PHF20L1: variants seen among roughly 807,000 people sequenced by gnomAD.
PHF20L1 encodes the protein PHD finger protein 20 like 1.
A neutral mutation model predicts 125.5 loss-of-function variants in PHF20L1; 44 were observed. The ratio of observed to expected loss-of-function variants is 0.35; its 90% CI spans 0.28 to 0.45. The LOEUF (loss-of-function observed/expected upper bound fraction) is 0.45, where lower values mean the gene tolerates loss of function less well. Among genes scored for constraint, PHF20L1 ranks in the 20% least tolerant of loss-of-function variants. PHF20L1 has a pLI of 1.00. For missense variants in PHF20L1, 1,012 were observed against 1,217.2 expected (o/e 0.83, Z 2.51); for synonymous variants, 380 against 403.1 (o/e 0.94, Z 0.69).
chr8:132,782,856 C>T (rs1288999290), intron 2 of PHF20L1, among the ~76,000 whole-genome samples: 1 of 151,506 alleles, frequency 6.6e-6, no homozygotes, highest in East Asian at 1.9e-4. Context: ...GTTTTTCCAT[C>T]TGTCTTGTTC....
At chr8:132,792,616 T>A (rs1586883279) in intron 2 of PHF20L1, among the ~76,000 whole-genome samples, 1 of 152,206 alleles carries the variant, frequency 6.6e-6, no homozygotes, top group Admixed American at 6.5e-5. Flanking sequence ...ATTCCCGCCT[T>A]TCTTTAAAGC....
chr8:132,805,991 G>GT (rs1342878550), intron 8 of PHF20L1, among the ~76,000 whole-genome samples: 1 of 151,940 alleles, frequency 6.6e-6, no homozygotes, highest in East Asian at 1.9e-4. Flanking sequence ...TGAGACTTCA[G>GT]TTTTGCCTTA....
At chr8:132,833,768 A>G (rs1252637861) in intron 15 of PHF20L1, among the ~76,000 whole-genome samples, 2 of 152,084 alleles carry the variant, frequency 1.3e-5, no homozygotes, top group Non-Finnish European at 2.9e-5. Context: ...ATAGATGTGT[A>G]CTCTCTGTTC....
At position 132,837,761 on chromosome 8, in the gene PHF20L1, A is replaced by C; in HGVS notation, c.2141A>C (p.Glu714Ala). The C allele has an allele frequency of 6.2e-7, 1 of 1,613,138 alleles. No individual in the cohort carries two copies. Among genetic ancestry groups the C allele is most frequent in the Non-Finnish European group, 8.5e-7 (1 of 1,179,442 alleles). ...CACAGCGTGTGCATGGGGCTGCTGG[A>C]GGAGAGCATTCCAGAGCAGTACATC... ...WQHSVCMGLL[E>A]ESIPEQYICY... The change falls in exon 17 of 21, where the codon GAG (glutamate) becomes GCG (alanine). Residue 714 changes from glutamate to alanine, a missense_variant. Glu to Ala is a moderately radical substitution (Grantham distance 107). This residue lies in a region of PHF20L1 where 55 missense variants were observed against 114.8 expected (regional missense o/e 0.48). Transcript: ENST00000395386.
intron 4 of PHF20L1, among the ~76,000 whole-genome samples, chr8:132,798,553 T>C (rs1265062571): frequency 6.6e-6 from 1 of 152,030 alleles, no homozygotes; most frequent in Admixed American, 6.6e-5. Context: ...GGAACTAACT[T>C]ATCAAGACTT....
At chr8:132,788,220 AACTT>A (rs1490931473) in intron 2 of PHF20L1, among the ~76,000 whole-genome samples, 3 of 152,110 alleles carry the variant, frequency 2.0e-5, no homozygotes, top group African/African-American at 7.2e-5. Context: ...GAATTGTGTT[AACTT>A]ACTTGATTCT....
chr8:132,785,106 T>C (rs1214610101), intron 2 of PHF20L1, among the ~76,000 whole-genome samples: 2 of 152,160 alleles, frequency 1.3e-5, no homozygotes, highest in Non-Finnish European at 2.9e-5. Context: ...TGGCAAGGGT[T>C]GGAACAAGAG....
chr8:132,825,240 A>G (rs1836042745), intron 13 of PHF20L1, 24 bp from the exon 14 acceptor site: 1 of 1,592,824 alleles, frequency 6.3e-7, no homozygotes, highest in Non-Finnish European at 8.6e-7. Context: ...CGTGATTGCT[A>G]AAGTATTCAC....
In PHF20L1 at chr8:132,814,639, G is replaced by A. The variant is rs79154195; in HGVS notation, c.933G>A (p.Ala311=). 8 of 1,568,404 alleles carry A rather than the reference G, an allele frequency of 5.1e-6. No individual in the cohort carries two copies. Among genetic ancestry groups the A allele is most frequent in the Non-Finnish European group, 6.9e-6 (8 of 1,157,270 alleles). Residue 311 remains alanine, a splice_region_variant and synonymous_variant, in exon 10 of 21, where the codon GCG becomes GCA. Coordinates refer to ENST00000395386, the MANE Select transcript of PHF20L1 (RefSeq NM_016018.5). ...TCAATTTTTTATTATTTATTCAGGC[G>A]ATTTCACCTAAACCTCAAAGTCAGA... The part of the protein sequence containing the change: ...YNETAPMLEQ[A]ISPKPQSQKK...
At chr8:132,825,224 A>G in intron 13 of PHF20L1, 40 bp from the exon 14 acceptor site, 1 of 1,591,642 alleles carries the variant, frequency 6.3e-7, no homozygotes, top group Non-Finnish European at 8.6e-7. Flanking sequence ...ACAACTCAGG[A>G]TCAGTCGTGA....
intron 15 of PHF20L1, among the ~76,000 whole-genome samples, chr8:132,833,280 G>C (rs1036149403): frequency 6.6e-6 from 1 of 151,996 alleles, no homozygotes; most frequent in Non-Finnish European, 1.5e-5. Flanking sequence ...CTTTTGCACC[G>C]TTTGCTTCCA....
chr8:132,838,525 T>C (rs1563852344), intron 17 of PHF20L1: 1 of 152,190 alleles, frequency 6.6e-6, no homozygotes, highest in African/African-American at 2.4e-5. Context: ...TCAGATAGCA[T>C]ATTCTGCATA....
intron 14 of PHF20L1, among the ~76,000 whole-genome samples, chr8:132,827,111 C>T (rs968554636): frequency 2.0e-5 from 3 of 151,900 alleles, no homozygotes; most frequent in African/African-American, 7.3e-5. Context: ...TGAACATTTC[C>T]GGGCACTTCT....
At chr8:132,823,913 T>TATA (rs749652281) in intron 12 of PHF20L1, 91 bp from the exon 13 acceptor site, 22 of 707,552 alleles carry the variant, frequency 3.1e-5, no homozygotes, top group Non-Finnish European at 5.2e-5. Flanking sequence ...GAGTCTTACA[T>TATA]AGAGTTTTAT....
chr8:132,811,513 A>G, intron 9 of PHF20L1: 1 of 990,834 alleles, frequency 1.0e-6, no homozygotes, highest in Non-Finnish European at 1.2e-6. Flanking sequence ...TTTCTTTTAT[A>G]TTGTAACAAT....
In PHF20L1 at chr8:132,839,254, G is replaced by A. The variant is rs1209078987; in HGVS notation, c.2192-133G>A. On this transcript the variant is annotated intron_variant, in intron 17 of 20. Transcript: ENST00000395386. ...TCCTGCACCAGTTCCTCAGAACGCT[G>A]TCTTACTCTTTTTGAATCTGCTCCT... 9 of 694,856 alleles carry A rather than the reference G, an allele frequency of 1.3e-5. No homozygotes were observed. The Admixed American group carries it at 2.1e-4, about 17-fold the overall frequency. 43.0% of individuals were successfully genotyped at this position (694,856 alleles called of 1,614,324 possible).
Position 132,817,071 on chromosome 8 carries a change from C to T in PHF20L1, c.1367C>T (p.Pro456Leu). ...CAAAATCAGCAAGAATCTTCAGTAC[C>T]AGAGGGTAATGTATATTGATTTCCT... Reference protein sequence around the residue: ...SSQNQQESSVPEVPDVAHLPL... With the variant: ...SSQNQQESSVLEVPDVAHLPL... Residue 456 changes from proline to leucine, a missense_variant, in exon 11 of 21, where the codon CCA becomes CTA. By Grantham distance (98) the Pro-to-Leu change is moderately conservative. This residue lies in a region of PHF20L1 where 320 missense variants were observed against 293.8 expected (regional missense o/e 1.09). Transcript: ENST00000395386. The T allele has an allele frequency of 6.4e-7, 1 of 1,550,698 alleles. No homozygotes were observed. Among genetic ancestry groups the T allele is most frequent in the South Asian group, 1.2e-5 (1 of 82,124 alleles).
At position 132,847,254 on chromosome 8, in the gene PHF20L1, G is replaced by A. The variant is rs1444237792; in HGVS notation, c.*1331G>A. 6.6e-6 allele frequency: 1 copy of A among 152,544 alleles called. No homozygotes were observed. The highest frequency in any genetic ancestry group is 2.4e-5 in the African/African-American group (1 of 41,422). 9.4% of individuals were successfully genotyped at this position (152,544 alleles called of 1,614,324 possible). ...TTATTACTATAGACTATACGAATTG[G>A]TGGTTAACATGAAATGTTACCTTTT... On this transcript the variant is annotated 3_prime_UTR_variant, in exon 21 of 21. Coordinates refer to ENST00000395386, the MANE Select transcript of PHF20L1 (RefSeq NM_016018.5).
At chr8:132,814,546 G>T in intron 9 of PHF20L1, 91 bp from the exon 10 acceptor site, 5 of 813,690 alleles carry the variant, frequency 6.1e-6, no homozygotes, top group Non-Finnish European at 9.3e-6. Flanking sequence ...AATGTTTCTG[G>T]ATACTAAAGT....
Sources: allele counts gnomAD v4.1 joint callset (sites outside exome capture counted in the v4.1 genomes callset), GRCh38; gene constraint gnomAD v4.1.1; regional missense constraint gnomAD v4.1.1; transcripts MANE v1.5; gene names NCBI Gene and HGNC (gene_info 2026-07-23, HGNC 2026-07-21).